SYNDIG1: variants seen among roughly 807,000 people sequenced by gnomAD.
The protein encoded by SYNDIG1 is synapse differentiation inducing 1, also known as synapse differentiation-inducing gene protein 1.
SYNDIG1 carries 9 observed loss-of-function variants against 19.4 expected under a neutral mutation model. The ratio of observed to expected loss-of-function variants is 0.46; its 90% CI spans 0.28 to 0.81. The LOEUF (loss-of-function observed/expected upper bound fraction) is 0.81. Among genes scored for constraint, SYNDIG1 ranks in the 30% least tolerant of loss-of-function variants. SYNDIG1 has a pLI of 0.12. For synonymous variants in SYNDIG1, 141 were observed against 145.9 expected, an observed-to-expected ratio of 0.97 and a Z score of 0.24; for missense variants, 311 against 343.3, an observed-to-expected ratio of 0.91 and a Z score of 0.74.
intron 3 of SYNDIG1, among the ~76,000 whole-genome samples, chr20:24,625,206 G>A (rs1217956718): frequency 1.3e-5 from 2 of 151,964 alleles, no homozygotes; most frequent in South Asian, 2.1e-4. Context: ...CATTATAAAC[G>A]GGAAAAATGT....
At chr20:24,494,981 A>C (rs918545842) in intron 1 of SYNDIG1, among the ~76,000 whole-genome samples, 11 of 152,224 alleles carry the variant, frequency 7.2e-5, no homozygotes, top group Non-Finnish European at 1.3e-4. Context: ...CATTCAATCT[A>C]TAACCATGCC....
intron 3 of SYNDIG1, among the ~76,000 whole-genome samples, chr20:24,595,081 G>C (rs1222750493): frequency 6.6e-6 from 1 of 152,134 alleles, no homozygotes; most frequent in Non-Finnish European, 1.5e-5. Flanking sequence ...GGACATCCTT[G>C]TCTTATTCCA....
intron 3 of SYNDIG1, among the ~76,000 whole-genome samples, chr20:24,599,463 C>T (rs1275853236): frequency 3.3e-5 from 5 of 151,944 alleles, no homozygotes; most frequent in Non-Finnish European, 7.4e-5. Flanking sequence ...TACCTTTGAC[C>T]CAGCAATCCC....
Position 24,543,653 on chromosome 20 carries a change from C to T in SYNDIG1, c.480+76C>T, listed in dbSNP as rs1371898380. The T allele has an allele frequency of 1.5e-5, 23 of 1,537,382 alleles. No homozygotes were observed. In the East Asian group the frequency reaches 4.8e-4, roughly 32 times the overall value. On this transcript the variant is annotated intron_variant, in intron 2 of 3. Coordinates refer to ENST00000376862, the MANE Select transcript of SYNDIG1 (RefSeq NM_024893.3). ...CTAGGGAGGGCAGGAGCCATGAATG[C>T]CTGGCAAAAGTTAGGGAATGAAACT... is the stretch of plus-strand genomic sequence containing the variant.
intron 3 of SYNDIG1, among the ~76,000 whole-genome samples, chr20:24,619,458 A>T (rs2059003133): frequency 1.3e-5 from 2 of 152,214 alleles, no homozygotes; most frequent in South Asian, 4.1e-4. Context: ...ACACTACTTC[A>T]GTCTTGTTTC....
intron 3 of SYNDIG1, among the ~76,000 whole-genome samples, chr20:24,637,242 G>C (rs537856282): frequency 5.1e-4 from 77 of 152,330 alleles, no homozygotes; most frequent in African/African-American, 1.8e-3. Context: ...ACAGAGGAGT[G>C]AACAGCGAGC....
chr20:24,512,061 CTACTGA>C (rs1052875689), intron 1 of SYNDIG1, among the ~76,000 whole-genome samples: 2 of 142,860 alleles, frequency 1.4e-5, no homozygotes, highest in Admixed American at 1.4e-4. Context: ...CAAGCCTTTG[CTACTGA>C]TATAGGAGAA....
At chr20:24,552,393 G>GACCCATTAACCCATTAA (rs960630619) in intron 2 of SYNDIG1, among the ~76,000 whole-genome samples, 1 of 152,036 alleles carries the variant, frequency 6.6e-6, no homozygotes, top group Non-Finnish European at 1.5e-5. Context: ...TGCCATGCTG[G>GACCCATTAACCCATTAA]TGTGCTGCAC....
At chr20:24,554,424 T>C (rs1325390244) in intron 2 of SYNDIG1, among the ~76,000 whole-genome samples, 1 of 152,262 alleles carries the variant, frequency 6.6e-6, no homozygotes, top group Non-Finnish European at 1.5e-5. Context: ...CCATTCAGTA[T>C]GATATTGGCT....
intron 3 of SYNDIG1, among the ~76,000 whole-genome samples, chr20:24,632,686 C>T (rs548789286): frequency 3.0e-4 from 45 of 152,320 alleles, no homozygotes; most frequent in African/African-American, 1.0e-3. Flanking sequence ...AAGATGATAA[C>T]GTGGCCCTGC....
At chr20:24,533,103 G>A (rs1293441861) in intron 1 of SYNDIG1, among the ~76,000 whole-genome samples, 1 of 152,170 alleles carries the variant, frequency 6.6e-6, no homozygotes, top group Non-Finnish European at 1.5e-5. Context: ...TGGAGGACCA[G>A]AATGCCATTG....
At chr20:24,491,159 A>T (rs1394203799) in intron 1 of SYNDIG1, among the ~76,000 whole-genome samples, 2 of 152,252 alleles carry the variant, frequency 1.3e-5, no homozygotes, top group Non-Finnish European at 2.9e-5. Context: ...CCACTGCCTC[A>T]GTCCTTAAGA....
At chr20:24,472,693 A>T (rs1363675061) in intron 1 of SYNDIG1, among the ~76,000 whole-genome samples, 1 of 152,126 alleles carries the variant, frequency 6.6e-6, no homozygotes, top group South Asian at 2.1e-4. Context: ...TGTGACTTCT[A>T]CTGTCTGGAG....
intron 1 of SYNDIG1, among the ~76,000 whole-genome samples, chr20:24,490,262 A>G (rs941552838): frequency 1.3e-5 from 2 of 152,202 alleles, no homozygotes; most frequent in African/African-American, 4.8e-5. Flanking sequence ...TACTTTATGT[A>G]AAGCTCGTCT....
chr20:24,602,179 G>GGTGTT (rs1322483378), intron 3 of SYNDIG1, among the ~76,000 whole-genome samples: 1 of 151,802 alleles, frequency 6.6e-6, no homozygotes, highest in Admixed American at 6.6e-5. Flanking sequence ...TGTGAGTCTG[G>GGTGTT]GTGTTTGTTG....
chr20:24,508,218 A>ATTTTCT (rs2056646436), intron 1 of SYNDIG1, among the ~76,000 whole-genome samples: 3 of 73,208 alleles, frequency 4.1e-5, no homozygotes, highest in African/African-American at 1.8e-4. Context: ...AAGGAGGATA[A>ATTTTCT]TTTTTTTTTT....
At chr20:24,626,620 C>T (rs1362944191) in intron 3 of SYNDIG1, among the ~76,000 whole-genome samples, 1 of 152,002 alleles carries the variant, frequency 6.6e-6, no homozygotes, top group Non-Finnish European at 1.5e-5. Flanking sequence ...GGGCTCCTCA[C>T]ATCCCAGACG....
At chr20:24,591,079 C>CGTGTGT (rs55725848) in intron 3 of SYNDIG1, among the ~76,000 whole-genome samples, 17 of 149,082 alleles carry the variant, frequency 1.1e-4, no homozygotes, top group Admixed American at 2.0e-4. Context: ...TTTACACCTT[C>CGTGTGT]GTGTGTGTGT....
chr20:24,495,689 C>G (rs2056283325), intron 1 of SYNDIG1: 1 of 152,220 alleles, frequency 6.6e-6, no homozygotes, highest in Non-Finnish European at 1.5e-5. Context: ...ACTTCACTCT[C>G]TTCATGCACA....
Sources: gnomAD v4.1 joint callset for allele counts (sites outside exome capture counted in the v4.1 genomes callset) on GRCh38, gnomAD v4.1.1 for gene constraint, MANE v1.5 for transcripts, NCBI Gene and HGNC (gene_info 2026-07-23, HGNC 2026-07-21) for gene names.